LDB2: variants seen among roughly 807,000 people sequenced by gnomAD.
LDB2 encodes LIM domain-binding protein 2.
A neutral mutation model predicts 44.3 loss-of-function variants in LDB2; 12 were observed. The ratio of observed to expected loss-of-function variants is 0.27; its 90% CI spans 0.17 to 0.44. The LOEUF (loss-of-function observed/expected upper bound fraction) is 0.44. Among genes scored for constraint, LDB2 ranks in the 20% least tolerant of loss-of-function variants. The pLI is 1.00. For missense variants in LDB2, 344 were observed against 473.5 expected (o/e 0.73, Z 2.54); for synonymous variants, 164 against 174.8 (o/e 0.94, Z 0.49).
chr4:16,553,696 C>T (rs917507829), intron 5 of LDB2, among the ~76,000 whole-genome samples: 4 of 152,168 alleles, frequency 2.6e-5, no homozygotes, highest in African/African-American at 9.7e-5. Flanking sequence ...TAGGAAATGT[C>T]CTGCCCTGTC....
chr4:16,865,171 G>A (rs1277158388), intron 1 of LDB2, among the ~76,000 whole-genome samples: 1 of 152,152 alleles, frequency 6.6e-6, no homozygotes, highest in African/African-American at 2.4e-5. Flanking sequence ...AGAATCACTT[G>A]AAGCTTGGGG....
rs146247571 is a variant in LDB2, at chr4:16,692,674, A to G, written c.235+66484T>C. ...CCCCACACCCCCTCAAGCTGGTCAG[A>G]GGAGCATAGCAGGAGAGACAGAGCC... is the stretch of plus-strand genomic sequence containing the variant. On this transcript the variant is annotated intron_variant, in intron 2 of 7. Transcript: ENST00000304523. 6.3e-4 allele frequency among the ~76,000 whole-genome samples: 96 copies of G among 152,300 alleles called. 1 individual carries two copies. In the East Asian group the frequency reaches 0.018, roughly 28 times the overall value.
At chr4:16,752,132 C>T (rs1765609232) in intron 2 of LDB2, among the ~76,000 whole-genome samples, 1 of 152,112 alleles carries the variant, frequency 6.6e-6, no homozygotes, top group South Asian at 2.1e-4. Context: ...GAATCCATTC[C>T]CATAATTAAA....
intron 2 of LDB2, among the ~76,000 whole-genome samples, chr4:16,718,166 G>T (rs1757483823): frequency 6.6e-6 from 1 of 152,012 alleles, no homozygotes; most frequent in Non-Finnish European, 1.5e-5. Context: ...CCAAAGAATG[G>T]TCTATTCAGC....
chr4:16,732,811 G>C lies in LDB2; in HGVS notation c.235+26347C>G, dbSNP rs181311388. ...TGGGAGGCATTCTTTTCTGAAAAGAGTTTTGGCAACAAAGTGAAGCCAATG... is the reference window on the plus strand; with the variant it reads ...TGGGAGGCATTCTTTTCTGAAAAGACTTTTGGCAACAAAGTGAAGCCAATG... On this transcript the variant is annotated intron_variant, in intron 2 of 7. Transcript: ENST00000304523. 3.2e-3 allele frequency among the ~76,000 whole-genome samples: 487 copies of C among 152,312 alleles called. 1 individual carries two copies. The highest frequency in any genetic ancestry group is 0.011 in the African/African-American group (465 of 41,574).
chr4:16,735,762 G>T (rs185584925), intron 2 of LDB2, among the ~76,000 whole-genome samples: 251 of 152,218 alleles, frequency 1.6e-3, no homozygotes, highest in African/African-American at 5.7e-3. Context: ...AACTATGAAA[G>T]CTATACCTTC....
chr4:16,821,935 T>C (rs1181616370), intron 1 of LDB2, among the ~76,000 whole-genome samples: 1 of 151,974 alleles, frequency 6.6e-6, no homozygotes, highest in African/African-American at 2.4e-5. Flanking sequence ...CAGTTTTCTT[T>C]TTCTGGAATG....
chr4:16,717,144 G>T (rs1174544280), intron 2 of LDB2, among the ~76,000 whole-genome samples: 1 of 148,660 alleles, frequency 6.7e-6, no homozygotes, highest in Non-Finnish European at 1.5e-5. Flanking sequence ...TTCACTTTTT[G>T]CCAAAGCTAA....
intron 5 of LDB2, among the ~76,000 whole-genome samples, chr4:16,561,365 CAAA>C (rs1334294162): frequency 2.0e-5 from 3 of 152,160 alleles, no homozygotes; most frequent in Non-Finnish European, 2.9e-5. Flanking sequence ...GCAACTTCAG[CAAA>C]GTCTCAGGAT....
chr4:16,661,211 T>C (rs1472984104), intron 2 of LDB2, among the ~76,000 whole-genome samples: 3 of 152,190 alleles, frequency 2.0e-5, no homozygotes, highest in Admixed American at 1.3e-4. Context: ...CTGTCCCCAC[T>C]GCTAGACAGT....
chr4:16,811,523 G>A (rs551499862), intron 1 of LDB2, among the ~76,000 whole-genome samples: 1 of 152,254 alleles, frequency 6.6e-6, no homozygotes, highest in South Asian at 2.1e-4. Flanking sequence ...TTTAGGGAAA[G>A]GGCATTTACT....
At chr4:16,636,080 C>T (rs1733515601) in intron 2 of LDB2, among the ~76,000 whole-genome samples, 1 of 152,168 alleles carries the variant, frequency 6.6e-6, no homozygotes, top group South Asian at 2.1e-4. Flanking sequence ...TATATGAAGG[C>T]ATATGCCATA....
chr4:16,745,952 T>C (rs1316186911), intron 2 of LDB2, among the ~76,000 whole-genome samples: 2 of 152,060 alleles, frequency 1.3e-5, no homozygotes, highest in Non-Finnish European at 2.9e-5. Context: ...TATGGGCCTA[T>C]ATGGCAGAAG....
In LDB2 at chr4:16,823,065, T is replaced by C. The variant is rs113172892; in HGVS notation, c.133-63805A>G. On this transcript the variant is annotated intron_variant, in intron 1 of 7. Transcript: ENST00000304523. The stretch of plus-strand genomic sequence containing the variant: ...AACTCATCATGTCCGGCACTCCTCC[T>C]GCCAGGATTCACAGCACACTTGATA... Among the ~76,000 whole-genome samples the C allele has an allele frequency of 2.8e-4, 42 of 152,344 alleles. 1 individual carries two copies. Among genetic ancestry groups the C allele is most frequent in the African/African-American group, 9.4e-4 (39 of 41,586 alleles).
chr4:16,624,887 A>C (rs1223600820), intron 2 of LDB2, among the ~76,000 whole-genome samples: 1 of 152,232 alleles, frequency 6.6e-6, no homozygotes, highest in Admixed American at 6.5e-5. Flanking sequence ...ATTTCAAAGA[A>C]AATACAATAG....
chr4:16,586,100 C>T (rs532095016), intron 4 of LDB2, 95 bp from the exon 5 acceptor site: 57 of 901,322 alleles, frequency 6.3e-5, no homozygotes, highest in South Asian at 1.2e-4. Context: ...AATGCAATCT[C>T]GACATTGTTG....
chr4:16,835,628 C>G lies in LDB2; in HGVS notation c.132+62726G>C, dbSNP rs548611217. ...CCCCTAGGTAATTAAATTCGAATTG[C>G]TAGGTCATTGGGATAGGTGTAAGTT... On this transcript the variant is annotated intron_variant, in intron 1 of 7. Transcript: ENST00000304523. Among the ~76,000 whole-genome samples, 3 of 152,276 alleles carry G rather than the reference C, an allele frequency of 2.0e-5. No individual in the cohort carries two copies. In the East Asian group the frequency reaches 5.8e-4, roughly 29 times the overall value.
chr4:16,536,724 G>C (rs2152314805), intron 5 of LDB2, among the ~76,000 whole-genome samples: 1 of 152,324 alleles, frequency 6.6e-6, no homozygotes, highest in African/African-American at 2.4e-5. Flanking sequence ...CTCAAGCAGG[G>C]AGTGTCAGGG....
chr4:16,783,390 G>A (rs971762613), intron 1 of LDB2, among the ~76,000 whole-genome samples: 1 of 152,262 alleles, frequency 6.6e-6, no homozygotes, highest in African/African-American at 2.4e-5. Context: ...TTCTCACCAA[G>A]GCCCAAGAGA....
Sources: gnomAD v4.1 joint callset for allele counts (sites outside exome capture counted in the v4.1 genomes callset) on GRCh38, gnomAD v4.1.1 for gene constraint, MANE v1.5 for transcripts, NCBI Gene and HGNC (gene_info 2026-07-23, HGNC 2026-07-21) for gene names.